The following PDE4D variants were observed in gnomAD, a reference collection of about 807,000 sequenced individuals.
The protein encoded by PDE4D is 3',5'-cyclic-AMP phosphodiesterase 4D.
In PDE4D, 24 loss-of-function variants were observed where a neutral mutation model predicts 87.4. The observed-to-expected ratio is 0.27, with a 90% confidence interval of 0.20 to 0.39. The LOEUF is 0.39. Ranked by LOEUF, PDE4D falls within the 10% of genes least tolerant of loss-of-function variation. PDE4D has a pLI of 1.00. For synonymous variants in PDE4D, 384 were observed against 383.2 expected, an observed-to-expected ratio of 1.00 and a Z score of -0.02; for missense variants, 714 against 1,041.0, an observed-to-expected ratio of 0.69 and a Z score of 4.32.
At chr5:59,951,972 G>C (rs930320988) in intron 3 of PDE4D, among the ~76,000 whole-genome samples, 4 of 152,002 alleles carry the variant, frequency 2.6e-5, no homozygotes, top group African/African-American at 9.7e-5. Flanking sequence ...ATTAGGCTTT[G>C]TGCCCCTACC....
intron 2 of PDE4D, among the ~76,000 whole-genome samples, chr5:60,016,604 T>C (rs1057296518): frequency 6.6e-6 from 1 of 152,244 alleles, no homozygotes; most frequent in Non-Finnish European, 1.5e-5. Context: ...GTTTATATTA[T>C]ATTCTAAAAC....
chr5:59,763,575 A>G (rs1762438293), intron 1 of PDE4D, among the ~76,000 whole-genome samples: 1 of 152,178 alleles, frequency 6.6e-6, no homozygotes, highest in East Asian at 1.9e-4. Context: ...AACTGTGCTT[A>G]AAATTCAATG....
chr5:59,293,494 T>C (rs1768448215), intron 1 of PDE4D, among the ~76,000 whole-genome samples: 1 of 152,144 alleles, frequency 6.6e-6, no homozygotes, highest in African/African-American at 2.4e-5. Context: ...GGAAAACAGA[T>C]ATATCAGAGT....
chr5:59,822,044 C>T (rs1176729886), intron 1 of PDE4D, among the ~76,000 whole-genome samples: 1 of 151,936 alleles, frequency 6.6e-6, no homozygotes, highest in Admixed American at 6.6e-5. Context: ...TAAATGTTTC[C>T]CACAAATTGT....
chr5:60,337,507 G>A (rs1308229946), intron 1 of PDE4D, among the ~76,000 whole-genome samples: 2 of 150,832 alleles, frequency 1.3e-5, no homozygotes, highest in East Asian at 3.9e-4. Flanking sequence ...TGATCAAACT[G>A]TTCTATACAT....
intron 1 of PDE4D, among the ~76,000 whole-genome samples, chr5:59,846,257 T>C (rs1743828954): frequency 6.6e-6 from 1 of 152,032 alleles, no homozygotes; most frequent in South Asian, 2.1e-4. Flanking sequence ...AAGGACAAAA[T>C]TCTGCATTTT....
At chr5:59,608,499 A>T (rs1435490763) in intron 1 of PDE4D, among the ~76,000 whole-genome samples, 1 of 152,202 alleles carries the variant, frequency 6.6e-6, no homozygotes, top group Non-Finnish European at 1.5e-5. Flanking sequence ...GATATTGGAC[A>T]TTGAAAATGA....
chr5:59,763,010 C>G (rs984209497), intron 1 of PDE4D, among the ~76,000 whole-genome samples: 9 of 150,590 alleles, frequency 6.0e-5, no homozygotes, highest in African/African-American at 2.2e-4. Flanking sequence ...AGTTAAAAGA[C>G]AATGACATTC....
intron 6 of PDE4D, among the ~76,000 whole-genome samples, chr5:59,029,859 A>T (rs945727253): frequency 6.6e-6 from 1 of 152,236 alleles, no homozygotes; most frequent in Non-Finnish European, 1.5e-5. Flanking sequence ...ATGGAACAGG[A>T]TAGAAAGCCC....
chr5:59,701,550 G>C (rs1752564949), intron 1 of PDE4D, among the ~76,000 whole-genome samples: 1 of 152,188 alleles, frequency 6.6e-6, no homozygotes, highest in South Asian at 2.1e-4. Context: ...GCAAATGTAA[G>C]CACAATGGAG....
rs7737685 is a variant in PDE4D at position 58,993,219 on chromosome 5, G to T, written c.1015+153C>A. Among the ~76,000 whole-genome samples the T allele has an allele frequency of 0.85, 128,523 of 152,080 alleles. 54,324 individuals carry two copies. Among genetic ancestry groups the T allele is most frequent in the Admixed American group, 0.89 (13,628 of 15,270 alleles). The stretch of plus-strand genomic sequence containing the variant: ...CCTGCAACTCTAAAACTCAGAGGCG[G>T]ATAGTGTCGAATTATTAATATGACG... On this transcript the variant is annotated intron_variant, in intron 7 of 14. Transcript: ENST00000340635.
chr5:59,635,764 C>T lies in PDE4D; in HGVS notation c.455+257404G>A, dbSNP rs191948883. ...ATAATAAGAGCTATTTATGACAAAC[C>T]CACAGCCAACAACATACTGAATGGG... On this transcript the variant is annotated intron_variant, in intron 1 of 14. Transcript: ENST00000340635. 1.0e-3 allele frequency among the ~76,000 whole-genome samples: 152 copies of T among 152,238 alleles called. 3 individuals carry two copies. Among genetic ancestry groups the T allele is most frequent in the Admixed American group, 3.0e-3 (46 of 15,292 alleles).
intron 5 of PDE4D, among the ~76,000 whole-genome samples, chr5:59,165,675 G>T (rs978397220): frequency 5.9e-5 from 9 of 152,190 alleles, no homozygotes; most frequent in Non-Finnish European, 8.8e-5. Context: ...GCTCTGGAAG[G>T]TTAAATGAAT....
intron 2 of PDE4D, among the ~76,000 whole-genome samples, chr5:59,200,177 G>GTA (rs199842778): frequency 0.051 from 2,961 of 58,208 alleles, 131 homozygotes; most frequent in African/African-American, 0.12. Context: ...ACACGTGTAT[G>GTA]TATATATGTA....
chr5:60,107,831 A>G (rs1777177080), intron 2 of PDE4D, among the ~76,000 whole-genome samples: 1 of 152,208 alleles, frequency 6.6e-6, no homozygotes, highest in African/African-American at 2.4e-5. Context: ...AAAAATCTCA[A>G]TAAATTAGGT....
At chr5:60,348,845 A>C (rs1233644546) in intron 1 of PDE4D, among the ~76,000 whole-genome samples, 1 of 152,096 alleles carries the variant, frequency 6.6e-6, no homozygotes, top group African/African-American at 2.4e-5. Context: ...CCCATATACA[A>C]ATTTTCTTTG....
chr5:59,762,401 T>C (rs555800415), intron 1 of PDE4D, among the ~76,000 whole-genome samples: 1,244 of 123,076 alleles, frequency 0.01, 174 homozygotes, highest in Non-Finnish European at 0.015. Context: ...GGTACACATG[T>C]GTATATGTGT....
chr5:59,186,293 G>C (rs945661263), intron 3 of PDE4D, among the ~76,000 whole-genome samples: 3 of 152,162 alleles, frequency 2.0e-5, no homozygotes, highest in Admixed American at 6.6e-5. Flanking sequence ...TTCCTAACCT[G>C]GAAAACTGGG....
At chr5:60,330,845 T>C (rs549918086) in intron 1 of PDE4D, among the ~76,000 whole-genome samples, 5 of 152,288 alleles carry the variant, frequency 3.3e-5, no homozygotes, top group Admixed American at 3.3e-4. Flanking sequence ...AATGGAGAGA[T>C]AAGCCCAAAA....
Sources: allele counts gnomAD v4.1 joint callset (sites outside exome capture counted in the v4.1 genomes callset), GRCh38; gene constraint gnomAD v4.1.1; transcripts MANE v1.5; gene names NCBI Gene and HGNC (gene_info 2026-07-23, HGNC 2026-07-21).